Variants in GPATCH8 observed in about 807,000 individuals in gnomAD.
The protein encoded by GPATCH8 is G patch domain-containing protein 8.
GPATCH8 carries 18 observed loss-of-function variants against 118.3 expected under a neutral mutation model. The observed-to-expected ratio is 0.15, with a 90% CI of 0.11 to 0.23. GPATCH8 has a LOEUF of 0.23. GPATCH8 is among the 10% of genes least tolerant of loss of function. The pLI, the probability that GPATCH8 is intolerant of heterozygous loss-of-function variation, is 1.00. For missense variants in GPATCH8, 1,631 were observed against 1,873.8 expected (o/e 0.87, Z 2.39); for synonymous variants, 659 against 684.7 (o/e 0.96, Z 0.59).
chr17:44,503,219 G>C lies in GPATCH8; in HGVS notation c.45+107C>G, dbSNP rs570236112. 13 of 1,032,336 alleles carry C rather than the reference G, an allele frequency of 1.3e-5. No individual in the cohort carries two copies. The African/African-American group carries it at 1.6e-4, about 13-fold the overall frequency. 63.9% of individuals were successfully genotyped at this position (1,032,336 alleles called of 1,614,324 possible). On this transcript the variant is annotated intron_variant, in intron 1 of 7. Coordinates refer to ENST00000591680, the MANE Select transcript of GPATCH8 (RefSeq NM_001002909.4). ...AGACGGGAGAAGAGCGAGCTGGTTCGCAAGTCGGAGCAAAACTGGAAGGAA... is the reference window on the plus strand; with the variant it reads ...AGACGGGAGAAGAGCGAGCTGGTTCCCAAGTCGGAGCAAAACTGGAAGGAA...
At position 44,396,990 on chromosome 17, in the gene GPATCH8, T is replaced by C. The variant is rs776369178; in HGVS notation, c.*578A>G. On this transcript the variant is annotated 3_prime_UTR_variant, in exon 8 of 8. Coordinates refer to ENST00000591680, the MANE Select transcript of GPATCH8 (RefSeq NM_001002909.4). ...CCGTTGATGTGGGAACTGGATGGAA[T>C]TGCAGCCTGAGTTATATCAGGTTCC... 6.6e-6 allele frequency: 3 copies of C among 453,500 alleles called. No individual in the cohort carries two copies. The highest frequency in any genetic ancestry group is 4.7e-5 in the South Asian group (3 of 64,468). The allele number at this position is 453,500 out of a possible 1,614,324, so 28.1% of individuals were successfully genotyped here.
intron 3 of GPATCH8, among the ~76,000 whole-genome samples, chr17:44,437,233 G>A (rs1462074266): frequency 7.2e-5 from 11 of 152,128 alleles, no homozygotes; most frequent in Admixed American, 7.2e-4. Context: ...CACTGGCTGC[G>A]AGGGTAACTG....
intron 2 of GPATCH8, chr17:44,465,912 CTGTTTGTT>C (rs931037790): frequency 6.6e-6 from 1 of 152,162 alleles, no homozygotes; most frequent in Admixed American, 6.5e-5. Context: ...CCCGAATGCT[CTGTTTGTT>C]TGTTTGTTTA....
chr17:44,479,834 G>A (rs1968071042), intron 1 of GPATCH8, among the ~76,000 whole-genome samples: 1 of 152,004 alleles, frequency 6.6e-6, no homozygotes, highest in Non-Finnish European at 1.5e-5. Context: ...GGGCATGGTG[G>A]TGCGTGCCTG....
At chr17:44,502,769 A>G (rs1970185034) in intron 1 of GPATCH8, among the ~76,000 whole-genome samples, 1 of 152,236 alleles carries the variant, frequency 6.6e-6, no homozygotes, top group African/African-American at 2.4e-5. Context: ...CGAAATCTCA[A>G]TGTATGACTA....
chr17:44,488,374 T>C (rs1317022283), intron 1 of GPATCH8, among the ~76,000 whole-genome samples: 9 of 151,384 alleles, frequency 5.9e-5, no homozygotes, highest in Admixed American at 5.9e-4. Context: ...TATTTTATTT[T>C]ATTTATTTTT....
In GPATCH8 at chr17:44,395,565, C is replaced by T. The variant is rs1383504387; in HGVS notation, c.*2003G>A. 1 of 454,314 alleles carries T rather than the reference C, an allele frequency of 2.2e-6. No homozygotes were observed. The highest frequency in any genetic ancestry group is 2.0e-5 in the African/African-American group (1 of 50,074). The allele number at this position is 454,314 out of a possible 1,614,324, so 28.1% of individuals were successfully genotyped here. A position where few individuals can be genotyped will look rare whatever the true frequency, so the allele number is the denominator to read the frequency against. ...GGGCTGAAAGCAAAGAAAAATGAGT[C>T]CCTTCACTTACACAGATGATTTCAT... On this transcript the variant is annotated 3_prime_UTR_variant, in exon 8 of 8. Transcript: ENST00000591680.
chr17:44,449,169 T>C (rs1259183360), intron 3 of GPATCH8, among the ~76,000 whole-genome samples: 1 of 151,960 alleles, frequency 6.6e-6, no homozygotes, highest in Non-Finnish European at 1.5e-5. Context: ...CCCAGCTACT[T>C]GGGAGGCTGA....
chr17:44,399,426 C>T lies in GPATCH8; in HGVS notation c.2651G>A (p.Ser884Asn). The T allele has an allele frequency of 6.2e-6, 10 of 1,614,130 alleles. No homozygotes were observed. The highest frequency in any genetic ancestry group is 7.6e-6 in the Non-Finnish European group (9 of 1,179,952). The stretch of plus-strand genomic sequence containing the variant: ...GTCATCAGAGTAACTGCGCTGTCTA[C>T]TATAGCAGCTCTGGTCTGAAGAGGC... ...SDASSDQSCY[S>N]RQRSYSDDSY... Residue 884 changes from serine to asparagine, a missense_variant, in exon 8 of 8, where the codon AGT becomes AAT. Physicochemically the swap from Ser to Asn is conservative, Grantham distance 46. Transcript: ENST00000591680.
Position 44,397,482 on chromosome 17 carries a change from A to G in GPATCH8, c.*86T>C, listed in dbSNP as rs1008034749. 37 of 923,294 alleles carry G rather than the reference A, an allele frequency of 4.0e-5. No individual in the cohort carries two copies. The Admixed American group carries it at 5.4e-4, about 13-fold the overall frequency. The allele number at this position is 923,294 out of a possible 1,614,324, so 57.2% of individuals were successfully genotyped here. On this transcript the variant is annotated 3_prime_UTR_variant, in exon 8 of 8. Coordinates refer to ENST00000591680, the MANE Select transcript of GPATCH8 (RefSeq NM_001002909.4). The stretch of plus-strand genomic sequence containing the variant: ...TCAGACACTGCCCATCCCAGCTTCT[A>G]CTTGCTGGTATTAATGGCTCAACAC...
chr17:44,472,624 G>A (rs7501858), intron 2 of GPATCH8, among the ~76,000 whole-genome samples: 91,506 of 152,018 alleles, frequency 0.6, 27,747 homozygotes, highest in Middle Eastern at 0.67. Flanking sequence ...CTTGTAGAAT[G>A]TGGTACTGGG....
intron 3 of GPATCH8, among the ~76,000 whole-genome samples, chr17:44,452,272 C>CAAA (rs1187689963): frequency 4.6e-5 from 2 of 43,512 alleles, no homozygotes; most frequent in African/African-American, 1.3e-4. Flanking sequence ...CACTCCGTCT[C>CAAA]AAAAAAAAAA....
intron 6 of GPATCH8, among the ~76,000 whole-genome samples, chr17:44,406,496 T>TC (rs1555622783): frequency 4.7e-5 from 1 of 21,070 alleles, no homozygotes; most frequent in Non-Finnish European, 8.7e-5. Context: ...ACAGCTTACA[T>TC]GGGGGGGGGG....
At chr17:44,423,437 T>G (rs566052690) in intron 6 of GPATCH8, among the ~76,000 whole-genome samples, 1 of 152,276 alleles carries the variant, frequency 6.6e-6, no homozygotes, top group East Asian at 1.9e-4. Flanking sequence ...AGATTGCCTT[T>G]TACCTGTGCA....
intron 6 of GPATCH8, among the ~76,000 whole-genome samples, chr17:44,422,513 G>A (rs1404054737): frequency 6.0e-5 from 9 of 150,364 alleles, no homozygotes; most frequent in Non-Finnish European, 8.9e-5. Context: ...TTTTTGAGAC[G>A]GAGTCTTGCT....
At chr17:44,444,239 T>A (rs11652426) in intron 3 of GPATCH8, among the ~76,000 whole-genome samples, 1 of 139,166 alleles carries the variant, frequency 7.2e-6, no homozygotes, top group East Asian at 2.1e-4. Context: ...AGAGAATTCA[T>A]GAGTTACTTT....
chr17:44,498,435 A>C (rs1329225946), intron 1 of GPATCH8, among the ~76,000 whole-genome samples: 1 of 152,184 alleles, frequency 6.6e-6, no homozygotes, highest in Non-Finnish European at 1.5e-5. Flanking sequence ...TGTGATGTTG[A>C]GATGTCCTTG....
intron 5 of GPATCH8, among the ~76,000 whole-genome samples, chr17:44,426,312 A>G (rs2050087054): frequency 6.6e-6 from 1 of 152,178 alleles, no homozygotes. Context: ...AGATCTAAGA[A>G]AAGGCTGAGG....
At chr17:44,432,732 G>A (rs1380607970) in intron 5 of GPATCH8, among the ~76,000 whole-genome samples, 1 of 152,064 alleles carries the variant, frequency 6.6e-6, no homozygotes, top group Non-Finnish European at 1.5e-5. Flanking sequence ...AAATATAGGA[G>A]AATAAAGGAG....
Sources: gnomAD v4.1 joint callset for allele counts (sites outside exome capture counted in the v4.1 genomes callset) on GRCh38, gnomAD v4.1.1 for gene constraint, MANE v1.5 for transcripts, NCBI Gene and HGNC (gene_info 2026-07-23, HGNC 2026-07-21) for gene names.